DIPK1A: variants seen among roughly 807,000 people sequenced by gnomAD.
DIPK1A encodes family with sequence similarity 69 member A.
Under a neutral mutation model 40.8 loss-of-function variants are expected in DIPK1A, and 27 were observed. The ratio of observed to expected loss-of-function variants is 0.66; its 90% CI spans 0.49 to 0.91. DIPK1A has a LOEUF of 0.91. Ranked by LOEUF, DIPK1A falls within the 40% of genes least tolerant of loss-of-function variation. The pLI is 0.00. For missense variants in DIPK1A, 412 were observed against 505.7 expected, an observed-to-expected ratio of 0.81 and a Z score of 1.78; for synonymous variants, 166 against 171.3, an observed-to-expected ratio of 0.97 and a Z score of 0.24.
At chr1:92,881,417 T>C (rs1416359830) in intron 1 of DIPK1A, among the ~76,000 whole-genome samples, 1 of 151,762 alleles carries the variant, frequency 6.6e-6, no homozygotes, top group Non-Finnish European at 1.5e-5. Flanking sequence ...TTAGGATTTA[T>C]AGAAAGAATC....
At chr1:92,874,631 T>A (rs1312564064) in intron 2 of DIPK1A, among the ~76,000 whole-genome samples, 1 of 152,240 alleles carries the variant, frequency 6.6e-6, no homozygotes, top group Non-Finnish European at 1.5e-5. Flanking sequence ...GTTATTTGTA[T>A]GTTTTTGAAC....
chr1:92,960,337 T>C (rs566281156), intron 1 of DIPK1A, among the ~76,000 whole-genome samples: 1 of 152,308 alleles, frequency 6.6e-6, no homozygotes, highest in East Asian at 1.9e-4. Context: ...TCTCAACTTT[T>C]TTCATAATTT....
chr1:92,878,972 A>T (rs553254931), intron 1 of DIPK1A, among the ~76,000 whole-genome samples: 1 of 152,300 alleles, frequency 6.6e-6, no homozygotes, highest in East Asian at 1.9e-4. Context: ...GTGCCACTGC[A>T]TTCCAACCTG....
chr1:92,932,642 T>C (rs1277420515), intron 1 of DIPK1A: 1 of 152,162 alleles, frequency 6.6e-6, no homozygotes, highest in Non-Finnish European at 1.5e-5. Flanking sequence ...GAAAATTATT[T>C]GTCAGACATA....
chr1:92,855,217 G>A (rs1557454557), intron 2 of DIPK1A, among the ~76,000 whole-genome samples: 1 of 152,152 alleles, frequency 6.6e-6, no homozygotes. Context: ...GAAATATTTA[G>A]AAGTGAACAA....
At chr1:92,952,052 A>C in intron 1 of DIPK1A, among the ~76,000 whole-genome samples, 1 of 149,878 alleles carries the variant, frequency 6.7e-6, no homozygotes, top group African/African-American at 2.5e-5. Flanking sequence ...CACCCATGAG[A>C]ATGGCCACTC....
At chr1:92,870,117 T>A (rs112747683) in intron 2 of DIPK1A, among the ~76,000 whole-genome samples, 91 of 151,044 alleles carry the variant, frequency 6.0e-4, no homozygotes, top group African/African-American at 2.1e-3. Flanking sequence ...CACACACATA[T>A]CTGTTGCTCT....
chr1:92,888,387 A>T (rs1374383833), intron 1 of DIPK1A, among the ~76,000 whole-genome samples: 1 of 152,234 alleles, frequency 6.6e-6, no homozygotes, highest in East Asian at 1.9e-4. Context: ...TTATAGCTAG[A>T]TAGTATTCCA....
At chr1:92,899,601 G>T (rs1246951150) in intron 1 of DIPK1A, among the ~76,000 whole-genome samples, 1 of 151,994 alleles carries the variant, frequency 6.6e-6, no homozygotes. Context: ...ATTGTTTTCT[G>T]CTTGTTTTGT....
chr1:92,877,717 G>A (rs1401016704), intron 1 of DIPK1A, among the ~76,000 whole-genome samples: 2 of 152,104 alleles, frequency 1.3e-5, no homozygotes, highest in Non-Finnish European at 2.9e-5. Flanking sequence ...ATTGCTCTAA[G>A]TAAAAAGAAA....
intron 1 of DIPK1A, among the ~76,000 whole-genome samples, chr1:92,909,984 C>T (rs1344221080): frequency 6.6e-6 from 1 of 152,110 alleles, no homozygotes; most frequent in African/African-American, 2.4e-5. Flanking sequence ...TTCTTTGTAC[C>T]AAATAAATCA....
rs187998105 is a variant in DIPK1A at position 92,956,349 on chromosome 1, T to C, written c.54+5027A>G. On this transcript the variant is annotated intron_variant, in intron 1 of 4. Coordinates refer to ENST00000370310, the MANE Select transcript of DIPK1A (RefSeq NM_001006605.5). ...AAGGTTCAAAAGCAACTAATGGTAA[T>C]ATCAAGTGGCTCTCTGTACACATAC... Among the ~76,000 whole-genome samples the C allele has an allele frequency of 2.0e-5, 3 of 152,334 alleles. No individual in the cohort carries two copies. In the East Asian group the frequency reaches 5.8e-4, roughly 29 times the overall value.
chr1:92,942,226 C>T (rs1004288340), intron 1 of DIPK1A, among the ~76,000 whole-genome samples: 1 of 152,118 alleles, frequency 6.6e-6, no homozygotes, highest in African/African-American at 2.4e-5. Flanking sequence ...TTAAATTCAC[C>T]AAACCATTCT....
intron 1 of DIPK1A, among the ~76,000 whole-genome samples, chr1:92,901,887 T>C: frequency 6.6e-6 from 1 of 152,060 alleles, no homozygotes; most frequent in Admixed American, 6.6e-5. Context: ...GTCTGGCTTA[T>C]AAGGTGGGAT....
chr1:92,916,626 A>C (rs182591672), intron 1 of DIPK1A, among the ~76,000 whole-genome samples: 1 of 152,170 alleles, frequency 6.6e-6, no homozygotes. Flanking sequence ...AATATGAATA[A>C]ATCAATCAAT....
chr1:92,840,612 A>C, downstream of DIPK1A: 1 of 1,611,368 alleles, frequency 6.2e-7, no homozygotes, highest in South Asian at 1.1e-5. Flanking sequence ...TATGAAAAGA[A>C]GCCCAAGAAA....
At chr1:92,857,014 T>C (rs990721247) in intron 2 of DIPK1A, among the ~76,000 whole-genome samples, 3 of 152,150 alleles carry the variant, frequency 2.0e-5, no homozygotes, top group Non-Finnish European at 2.9e-5. Flanking sequence ...TAATGTGAAA[T>C]AGAAACAATT....
intron 1 of DIPK1A, among the ~76,000 whole-genome samples, chr1:92,943,010 T>C (rs1206246129): frequency 6.6e-6 from 1 of 152,178 alleles, no homozygotes; most frequent in African/African-American, 2.4e-5. Context: ...GTCATGAAGA[T>C]AAATAGGGTA....
chr1:92,917,370 G>T (rs1442852864), intron 1 of DIPK1A, among the ~76,000 whole-genome samples: 1 of 152,018 alleles, frequency 6.6e-6, no homozygotes, highest in African/African-American at 2.4e-5. Flanking sequence ...ACACTACTTT[G>T]CACTATGTCG....
Sources: allele counts gnomAD v4.1 joint callset (sites outside exome capture counted in the v4.1 genomes callset), GRCh38; gene constraint gnomAD v4.1.1; transcripts MANE v1.5; gene names NCBI Gene and HGNC (gene_info 2026-07-23, HGNC 2026-07-21).